Variants in FBXO38 observed in about 807,000 individuals in gnomAD.
FBXO38 encodes the protein F-box protein 38, also known as F-box only protein 38.
FBXO38 carries 53 observed loss-of-function variants against 131.9 expected under a neutral mutation model. The ratio of observed to expected loss-of-function variants is 0.40; its 90% confidence interval spans 0.32 to 0.51. FBXO38 has a LOEUF of 0.51. Among genes scored for constraint, FBXO38 ranks in the 20% least tolerant of loss-of-function variants. The probability of loss-of-function intolerance (pLI) is 0.53; values close to 1 mark genes in which losing one functional copy is unlikely to be tolerated. For synonymous variants in FBXO38, 452 were observed against 505.6 expected, an observed-to-expected ratio of 0.89 and a Z score of 1.42; for missense variants, 1,076 against 1,475.6, an observed-to-expected ratio of 0.73 and a Z score of 4.44.
At chr5:148,405,957 G>T (rs111270563) in intron 6 of FBXO38, among the ~76,000 whole-genome samples, 6 of 152,156 alleles carry the variant, frequency 3.9e-5, no homozygotes, top group African/African-American at 1.4e-4. Context: ...CTTGAGTGAA[G>T]GATCAAATTT....
In FBXO38 at chr5:148,425,711, T is replaced by C. The variant is rs940922892; in HGVS notation, c.1918+10T>C. On this transcript the variant is annotated intron_variant, in intron 14 of 21. Transcript: ENST00000340253. ...TCCAGAGAATTGTCAGGTGAGAAAT[T>C]GTCTTTCTCTGAACTATTAATGAGA... 11 of 1,610,158 alleles carry C rather than the reference T, an allele frequency of 6.8e-6. No homozygotes were observed. The highest frequency in any genetic ancestry group is 8.5e-6 in the Non-Finnish European group (10 of 1,177,704).
At chr5:148,411,640 AC>A (rs1752762426) in intron 9 of FBXO38, among the ~76,000 whole-genome samples, 2 of 152,092 alleles carry the variant, frequency 1.3e-5, no homozygotes, top group East Asian at 3.9e-4. Context: ...TTGTTTGTTT[AC>A]TTTTTTGTTT....
At chr5:148,425,966 G>A (rs1753691966) in intron 14 of FBXO38, among the ~76,000 whole-genome samples, 1 of 152,140 alleles carries the variant, frequency 6.6e-6, no homozygotes, top group African/African-American at 2.4e-5. Flanking sequence ...GCATCAGGGT[G>A]TCAGAGATTA....
chr5:148,440,598 A>C, intron 20 of FBXO38, 71 bp downstream of exon 20: 17 of 882,376 alleles, frequency 1.9e-5, no homozygotes, highest in Non-Finnish European at 2.8e-5. Flanking sequence ...CCAGCGACTC[A>C]GGAGGCTGAG....
intron 17 of FBXO38, among the ~76,000 whole-genome samples, chr5:148,435,540 G>C (rs1188202431): frequency 6.6e-6 from 1 of 152,220 alleles, no homozygotes; most frequent in Non-Finnish European, 1.5e-5. Context: ...GGGAGGCCAA[G>C]GCGGGCGGAT....
chr5:148,390,133 A>T (rs540491578), intron 1 of FBXO38: 1 of 152,210 alleles, frequency 6.6e-6, no homozygotes, highest in South Asian at 2.1e-4. Context: ...CCTATTCATC[A>T]GTACCTGAGA....
At chr5:148,420,519 G>T (rs142363241) in intron 12 of FBXO38, among the ~76,000 whole-genome samples, 1 of 152,226 alleles carries the variant, frequency 6.6e-6, no homozygotes, top group East Asian at 1.9e-4. Flanking sequence ...CTATTTTTAT[G>T]TAACTACTTT....
Position 148,427,798 on chromosome 5 carries a change from A to G in FBXO38, c.2504A>G (p.Asn835Ser). The change falls in exon 15 of 22, where the codon AAT (asparagine) becomes AGT (serine). Residue 835 changes from asparagine to serine, a missense_variant. Asn to Ser is a conservative substitution (Grantham distance 46, BLOSUM62 1). Around this residue, in one of 8 missense-constraint regions of FBXO38, gnomAD observed 213 missense variants for 225.2 expected, o/e 0.95. Coordinates refer to ENST00000340253, the MANE Select transcript of FBXO38 (RefSeq NM_205836.3). ...SSGPAHDERT[N>S]GSGSGATGED... ...GGCCCAGCACATGATGAGAGGACTA[A>G]TGGGAGTGGCTCTGGGGCTACAGGT... 1.2e-6 allele frequency: 2 copies of G among 1,610,008 alleles called. No individual in the cohort carries two copies. Among genetic ancestry groups the G allele is most frequent in the Non-Finnish European group, 8.5e-7 (1 of 1,177,928 alleles).
rs750597830 is a variant in FBXO38, at chr5:148,442,084, A to G, written c.3504A>G (p.Val1168=). The change falls in exon 22 of 22, where the codon GTA becomes GTG. Residue 1168 remains valine (V), a synonymous_variant. Transcript: ENST00000340253. The part of the protein sequence containing the change: ...RQMKKGVFQR[V]VAIFIHYCDV... ...TGAAGAAGGGTGTATTTCAGCGAGT[A>G]GTGGCAATTTTTATCCACTATTGTG... The G allele has an allele frequency of 4.3e-6, 7 of 1,614,126 alleles. No individual in the cohort carries two copies. In the Admixed American group the frequency reaches 1.2e-4, roughly 27 times the overall value.
intron 17 of FBXO38, 31 bp downstream of exon 17, chr5:148,433,768 T>C: frequency 8.2e-7 from 1 of 1,221,184 alleles, no homozygotes; most frequent in Admixed American, 2.1e-5. Flanking sequence ...TATACAAGAG[T>C]ATCATGAATG....
In FBXO38 at chr5:148,394,904, G is replaced by C. The variant is rs747500533; in HGVS notation, c.128G>C (p.Arg43Thr). Residue 43 changes from arginine (R) to threonine (T), a missense_variant and splice_region_variant, in exon 2 of 22, where the codon AGG becomes ACG. Physicochemically the swap from Arg to Thr is moderately conservative, Grantham distance 71. Coordinates refer to ENST00000340253, the MANE Select transcript of FBXO38 (RefSeq NM_205836.3). ...LSHEVLCHIF[R>T]YLPLQDIMCM... ...CATGAAGTACTTTGCCATATTTTTA[G>C]GTAAGATTGTGTTTGGTTGGCTTAC... 1 of 1,580,486 alleles carries C rather than the reference G, an allele frequency of 6.3e-7. No homozygotes were observed. Among genetic ancestry groups the C allele is most frequent in the Non-Finnish European group, 8.6e-7 (1 of 1,163,700 alleles).
intron 12 of FBXO38, among the ~76,000 whole-genome samples, chr5:148,420,185 T>C (rs1581266860): frequency 6.6e-6 from 1 of 151,566 alleles, no homozygotes; most frequent in South Asian, 2.1e-4. Flanking sequence ...GGTAGTGGCA[T>C]GATCATAGCT....
chr5:148,415,826 T>TA (rs1484676437), intron 10 of FBXO38, 102 bp from the exon 11 acceptor site: 91 of 1,254,854 alleles, frequency 7.3e-5, no homozygotes, highest in East Asian at 5.5e-4. Context: ...AAAGTTATTT[T>TA]AAAAAAAAGG....
Position 148,442,214 on chromosome 5 carries a change from T to C in FBXO38, c.*67T>C. 6.7e-7 allele frequency: 1 copy of C among 1,501,668 alleles called. No individual in the cohort carries two copies. Among genetic ancestry groups the C allele is most frequent in the Non-Finnish European group, 9.2e-7 (1 of 1,090,044 alleles). The allele number at this position is 1,501,668 out of a possible 1,614,324, so 93.0% of individuals were successfully genotyped here. The stretch of plus-strand genomic sequence containing the variant: ...TAGGGCCATCCAGCTGCCAGAGTGC[T>C]CCACAGGGACTTGAGGCATGCAGTT... On this transcript the variant is annotated 3_prime_UTR_variant, in exon 22 of 22. Coordinates refer to ENST00000340253, the MANE Select transcript of FBXO38 (RefSeq NM_205836.3).
intron 1 of FBXO38, 34 bp from the exon 2 acceptor site, chr5:148,394,680 T>G: frequency 8.2e-7 from 1 of 1,221,654 alleles, no homozygotes. Flanking sequence ...GGGGGTGTGT[T>G]TTTTTAGTCT....
intron 8 of FBXO38, among the ~76,000 whole-genome samples, 171 bp downstream of exon 8, chr5:148,409,388 A>T (rs921241247): frequency 5.9e-5 from 9 of 152,244 alleles, no homozygotes; most frequent in Middle Eastern, 3.2e-3. Context: ...ACATCATGGT[A>T]GTCTTAATGT....
intron 12 of FBXO38, among the ~76,000 whole-genome samples, chr5:148,420,335 C>A (rs1165503545): frequency 6.6e-6 from 1 of 151,888 alleles, no homozygotes; most frequent in Non-Finnish European, 1.5e-5. Flanking sequence ...CTGTGTCGCC[C>A]AGTCTGGTCT....
chr5:148,435,922 A>G (rs1433901620), intron 17 of FBXO38, among the ~76,000 whole-genome samples: 1 of 152,176 alleles, frequency 6.6e-6, no homozygotes, highest in African/African-American at 2.4e-5. Context: ...AGACAGGGGA[A>G]CAGCCTGTTG....
intron 9 of FBXO38, 71 bp from the exon 10 acceptor site, chr5:148,414,065 A>C: frequency 7.0e-7 from 1 of 1,430,136 alleles, no homozygotes; most frequent in Non-Finnish European, 9.4e-7. Context: ...CTGGTAAGAT[A>C]CAAAGTTGGT....
Sources: allele counts gnomAD v4.1 joint callset (sites outside exome capture counted in the v4.1 genomes callset), GRCh38; gene constraint gnomAD v4.1.1; regional missense constraint gnomAD v4.1.1; transcripts MANE v1.5; gene names NCBI Gene and HGNC (gene_info 2026-07-23, HGNC 2026-07-21).